Variants in ST6GALNAC3 observed in about 807,000 individuals in gnomAD.
The protein encoded by ST6GALNAC3 is alpha-N-acetylgalactosaminide alpha-2,6-sialyltransferase 3.
Under a neutral mutation model 32.7 loss-of-function variants are expected in ST6GALNAC3, and 25 were observed. That is an observed-to-expected ratio of 0.76 (90% CI 0.56 to 1.07). The LOEUF (loss-of-function observed/expected upper bound fraction) is 1.07. Ranked by LOEUF, ST6GALNAC3 falls within the 50% of genes least tolerant of loss-of-function variation. The pLI is 0.00. For missense variants in ST6GALNAC3, 355 were observed against 382.4 expected (o/e 0.93, Z 0.60); for synonymous variants, 129 against 133.1 (o/e 0.97, Z 0.21).
intron 3 of ST6GALNAC3, among the ~76,000 whole-genome samples, chr1:76,420,896 G>C (rs1293974511): frequency 6.6e-6 from 1 of 151,964 alleles, no homozygotes; most frequent in Non-Finnish European, 1.5e-5. Flanking sequence ...TACTTCCCCT[G>C]AAAATCGTAG....
intron 1 of ST6GALNAC3, among the ~76,000 whole-genome samples, chr1:76,242,835 T>G (rs1657045756): frequency 6.6e-6 from 1 of 152,220 alleles, no homozygotes; most frequent in Admixed American, 6.5e-5. Flanking sequence ...GTACCACATT[T>G]TCTTTATCCA....
intron 1 of ST6GALNAC3, among the ~76,000 whole-genome samples, chr1:76,184,491 A>G (rs1177542818): frequency 2.0e-5 from 3 of 149,938 alleles, no homozygotes; most frequent in African/African-American, 7.4e-5. Context: ...GTGAGCCAAG[A>G]TCGTGCCACT....
At chr1:76,295,294 T>G (rs971216719) in intron 1 of ST6GALNAC3, among the ~76,000 whole-genome samples, 1 of 152,140 alleles carries the variant, frequency 6.6e-6, no homozygotes, top group Non-Finnish European at 1.5e-5. Flanking sequence ...GTTACTAGCA[T>G]GGCCCTTTGT....
downstream of ST6GALNAC3, chr1:76,637,062 T>C (rs12732822): frequency 1.3e-5 from 2 of 152,172 alleles, no homozygotes; most frequent in Non-Finnish European, 2.9e-5. Context: ...CATAAGTCCA[T>C]GGGCAAAAGT....
chr1:76,610,266 T>C (rs766019320), intron 3 of ST6GALNAC3, among the ~76,000 whole-genome samples: 2 of 152,226 alleles, frequency 1.3e-5, no homozygotes, highest in Admixed American at 6.5e-5. Context: ...CCCTGTTAGC[T>C]TTATTTTCTT....
intron 2 of ST6GALNAC3, among the ~76,000 whole-genome samples, chr1:76,361,500 A>G (rs963563302): frequency 6.6e-6 from 1 of 152,012 alleles, no homozygotes; most frequent in Non-Finnish European, 1.5e-5. Flanking sequence ...GGTTGCTTCC[A>G]CTTCTTGACT....
At chr1:76,386,840 T>A (rs1365095230) in intron 2 of ST6GALNAC3, among the ~76,000 whole-genome samples, 1 of 152,208 alleles carries the variant, frequency 6.6e-6, no homozygotes, top group Non-Finnish European at 1.5e-5. Flanking sequence ...AAAGAAAATC[T>A]TATCTTTTCA....
intron 1 of ST6GALNAC3, among the ~76,000 whole-genome samples, chr1:76,297,346 A>G (rs2100836510): frequency 6.6e-6 from 1 of 152,164 alleles, no homozygotes; most frequent in African/African-American, 2.4e-5. Flanking sequence ...TTGATTCACC[A>G]ACATCTCTTG....
chr1:76,247,874 A>G (rs369714423), intron 1 of ST6GALNAC3, among the ~76,000 whole-genome samples: 1 of 151,626 alleles, frequency 6.6e-6, no homozygotes, highest in Non-Finnish European at 1.5e-5. Context: ...CTGGGATACG[A>G]AAAAACTCCT....
In ST6GALNAC3 at chr1:76,633,660, A is replaced by G. The variant is rs568223235; in HGVS notation, c.*4854A>G. 2.0e-5 allele frequency: 3 copies of G among 152,292 alleles called. No individual in the cohort carries two copies. In the East Asian group the frequency reaches 5.8e-4, roughly 29 times the overall value. The allele number at this position is 152,292 out of a possible 1,614,324, so 9.4% of individuals were successfully genotyped here. A position where few individuals can be genotyped will look rare whatever the true frequency, so the allele number is the denominator to read the frequency against. ...CTGTGCTGCCCAAGTTAGTGAAATT[A>G]TCCATCAGCACTAACACCACCCTTT... is the stretch of plus-strand genomic sequence containing the variant. On this transcript the variant is annotated 3_prime_UTR_variant, in exon 5 of 5. Transcript: ENST00000328299.
At chr1:76,528,219 A>C (rs1427487316) in intron 3 of ST6GALNAC3, among the ~76,000 whole-genome samples, 1 of 152,148 alleles carries the variant, frequency 6.6e-6, no homozygotes, top group Non-Finnish European at 1.5e-5. Flanking sequence ...AGCATTCACT[A>C]TGTCCCTGGC....
chr1:76,573,594 A>G (rs1403388543), intron 3 of ST6GALNAC3, among the ~76,000 whole-genome samples: 1 of 151,848 alleles, frequency 6.6e-6, no homozygotes, highest in African/African-American at 2.4e-5. Context: ...TTTTGATTCC[A>G]TGCTTGTAGA....
chr1:76,074,965 A>G (rs1646792590), intron 1 of ST6GALNAC3, 81 bp downstream of exon 1: 7 of 1,514,046 alleles, frequency 4.6e-6, no homozygotes, highest in Non-Finnish European at 6.3e-6. Context: ...CCGCGGTCCC[A>G]CCGCATCCTC....
chr1:76,479,817 CT>C (rs1484845713), intron 3 of ST6GALNAC3, among the ~76,000 whole-genome samples: 3 of 152,010 alleles, frequency 2.0e-5, no homozygotes, highest in African/African-American at 7.2e-5. Flanking sequence ...TATCATTATA[CT>C]GGTCAACCTA....
chr1:76,441,801 C>T (rs939227019), intron 3 of ST6GALNAC3, among the ~76,000 whole-genome samples: 1 of 152,136 alleles, frequency 6.6e-6, no homozygotes, highest in Admixed American at 6.5e-5. Flanking sequence ...ACACACTTAC[C>T]TGTCCTGCAC....
intron 1 of ST6GALNAC3, among the ~76,000 whole-genome samples, chr1:76,139,594 T>G (rs938562239): frequency 6.6e-6 from 1 of 152,176 alleles, no homozygotes; most frequent in Non-Finnish European, 1.5e-5. Flanking sequence ...GTGACATAGA[T>G]TCTCAGAGAG....
At chr1:76,454,145 C>A (rs1657600796) in intron 3 of ST6GALNAC3, among the ~76,000 whole-genome samples, 1 of 151,950 alleles carries the variant, frequency 6.6e-6, no homozygotes, top group Non-Finnish European at 1.5e-5. Flanking sequence ...CTTTTTCCAC[C>A]CCTTTACCTT....
chr1:76,132,962 A>G (rs771500133), intron 1 of ST6GALNAC3, among the ~76,000 whole-genome samples: 3 of 152,126 alleles, frequency 2.0e-5, no homozygotes, highest in Non-Finnish European at 4.4e-5. Context: ...ATTCCCCTAC[A>G]GTAGCATACA....
intron 1 of ST6GALNAC3, among the ~76,000 whole-genome samples, chr1:76,249,491 A>G (rs1004920431): frequency 1.3e-5 from 2 of 152,138 alleles, no homozygotes; most frequent in Admixed American, 1.3e-4. Context: ...TGCCACATAT[A>G]TTCCATTCTA....
Sources: allele counts gnomAD v4.1 joint callset (sites outside exome capture counted in the v4.1 genomes callset), GRCh38; gene constraint gnomAD v4.1.1; transcripts MANE v1.5; gene names NCBI Gene and HGNC (gene_info 2026-07-23, HGNC 2026-07-21).